Variants in PLEKHA8 observed in about 807,000 individuals in gnomAD.
PLEKHA8 encodes the protein pleckstrin homology domain containing A8, also known as pleckstrin homology domain-containing family A member 8.
In PLEKHA8, 36 loss-of-function variants were observed where a neutral mutation model predicts 68.2. The ratio of observed to expected loss-of-function variants is 0.53; its 90% CI spans 0.40 to 0.70. The LOEUF is 0.70. Ranked by LOEUF, PLEKHA8 falls within the 30% of genes least tolerant of loss-of-function variation. The probability of loss-of-function intolerance (pLI) is 0.00; values close to 1 mark genes in which losing one functional copy is unlikely to be tolerated. For synonymous variants in PLEKHA8, 211 were observed against 216.1 expected (o/e 0.98, Z 0.20); for missense variants, 505 against 615.4 (o/e 0.82, Z 1.90).
chr7:30,090,901 C>T (rs1455573734), downstream of PLEKHA8, among the ~76,000 whole-genome samples: 1 of 152,168 alleles, frequency 6.6e-6, no homozygotes, highest in South Asian at 2.1e-4. Flanking sequence ...TGGCTCACAC[C>T]TGTAATCCCA....
intron 13 of PLEKHA8, among the ~76,000 whole-genome samples, chr7:30,077,322 G>A (rs768599139): frequency 6.6e-6 from 1 of 151,940 alleles, no homozygotes; most frequent in Non-Finnish European, 1.5e-5. Flanking sequence ...CACTTGATTA[G>A]GTCTTTAAAT....
chr7:30,089,210 G>C (rs971614206), downstream of PLEKHA8, among the ~76,000 whole-genome samples: 1 of 152,102 alleles, frequency 6.6e-6, no homozygotes, highest in African/African-American at 2.4e-5. Context: ...TATTTGGCTG[G>C]TACACACTAA....
downstream of PLEKHA8, among the ~76,000 whole-genome samples, chr7:30,091,306 C>A (rs1438703816): frequency 6.7e-6 from 1 of 149,532 alleles, no homozygotes; most frequent in Non-Finnish European, 1.5e-5. Context: ...TTGTTTGATG[C>A]CTATGATATC....
rs187963459 is a variant in PLEKHA8 at position 30,048,790 on chromosome 7, G to A, written c.439-434G>A. 1.0e-3 allele frequency among the ~76,000 whole-genome samples: 153 copies of A among 151,852 alleles called. 1 individual carries two copies. The highest frequency in any genetic ancestry group is 3.5e-3 in the African/African-American group (146 of 41,388). On this transcript the variant is annotated intron_variant, in intron 4 of 13. Coordinates refer to ENST00000449726, the MANE Select transcript of PLEKHA8 (RefSeq NM_001197026.2). ...CCCACTTGCATTCACTTCCTTTTGG[G>A]TGCTCTTACTCATTCAGCAGCTGCC...
intron 1 of PLEKHA8, among the ~76,000 whole-genome samples, chr7:30,034,744 G>A (rs1455657673): frequency 3.3e-5 from 5 of 152,068 alleles, no homozygotes; most frequent in African/African-American, 7.2e-5. Context: ...GCATGTGCAC[G>A]GTTGAAATTC....
At chr7:30,074,500 G>A (rs1347715360) in intron 13 of PLEKHA8, among the ~76,000 whole-genome samples, 3 of 152,076 alleles carry the variant, frequency 2.0e-5, no homozygotes, top group East Asian at 1.9e-4. Context: ...CTCATAAGTG[G>A]TTGCCTTTCT....
chr7:30,082,148 G>C lies in PLEKHA8; in HGVS notation c.*3361G>C, dbSNP rs1182923807. 1 of 985,266 alleles carries C rather than the reference G, an allele frequency of 1.0e-6. No individual in the cohort carries two copies. 61.0% of individuals were successfully genotyped at this position (985,266 alleles called of 1,614,324 possible). ...TAGTTCTCATTAGGATGTATAAGTA[G>C]TGGCTTGAGGCACCTTCTTATCATT... On this transcript the variant is annotated 3_prime_UTR_variant, in exon 14 of 14. Coordinates refer to ENST00000449726, the MANE Select transcript of PLEKHA8 (RefSeq NM_001197026.2).
intron 12 of PLEKHA8, among the ~76,000 whole-genome samples, chr7:30,067,543 A>C (rs1221366199): frequency 6.6e-6 from 1 of 152,234 alleles, no homozygotes; most frequent in African/African-American, 2.4e-5. Flanking sequence ...AAAATAGTTC[A>C]ATACAGTTAA....
intron 10 of PLEKHA8, 118 bp downstream of exon 10, chr7:30,061,060 G>A: frequency 2.2e-6 from 2 of 905,494 alleles, no homozygotes; most frequent in South Asian, 1.5e-5. Flanking sequence ...TCTTTTAAGA[G>A]AGCAAGCATC....
At chr7:30,104,112 T>C (rs1321836975) in intron 13 of PLEKHA8, among the ~76,000 whole-genome samples, 1 of 152,212 alleles carries the variant, frequency 6.6e-6, no homozygotes. Context: ...TTCAATATCA[T>C]TAGTCACCAG....
chr7:30,062,145 C>A (rs1483610579), intron 11 of PLEKHA8, 118 bp downstream of exon 11: 1 of 1,281,184 alleles, frequency 7.8e-7, no homozygotes. Flanking sequence ...AATTGTGTAG[C>A]CTTTTCTAGA....
intron 7 of PLEKHA8, among the ~76,000 whole-genome samples, chr7:30,054,207 A>C (rs548536181): frequency 6.6e-6 from 1 of 152,220 alleles, no homozygotes; most frequent in African/African-American, 2.4e-5. Flanking sequence ...ACATTGCTCT[A>C]CCTCAGCTAG....
intron 1 of PLEKHA8, among the ~76,000 whole-genome samples, chr7:30,043,301 A>G (rs1179911724): frequency 6.6e-6 from 1 of 152,170 alleles, no homozygotes; most frequent in Non-Finnish European, 1.5e-5. Context: ...CCCTGCCAGC[A>G]TCACCTTCTG....
At chr7:30,120,182 CAG>C (rs1293897335) in intron 13 of PLEKHA8, among the ~76,000 whole-genome samples, 4 of 128,510 alleles carry the variant, frequency 3.1e-5, no homozygotes, top group African/African-American at 1.2e-4. Flanking sequence ...AAAAAAAAAA[CAG>C]AAAATAACAT....
chr7:30,054,884 T>TA lies in PLEKHA8; in HGVS notation c.953+20dup, dbSNP rs1345147755. On this transcript the variant is annotated intron_variant, in intron 8 of 13. Transcript: ENST00000449726. Reference sequence around the variant, plus strand: ...ACACAAGGTATTCTAGACTCTTTAATATCACTGATGCTTGGATACTAACTT... The same window carrying TA: ...ACACAAGGTATTCTAGACTCTTTAATAATCACTGATGCTTGGATACTAACTT... 4.4e-6 allele frequency: 7 copies of TA among 1,577,118 alleles called. No homozygotes were observed. Among genetic ancestry groups the TA allele is most frequent in the Non-Finnish European group, 4.3e-6 (5 of 1,158,208 alleles).
intron 13 of PLEKHA8, among the ~76,000 whole-genome samples, chr7:30,078,176 CA>C (rs1794729703): frequency 6.6e-6 from 1 of 151,938 alleles, no homozygotes; most frequent in Non-Finnish European, 1.5e-5. Context: ...AGATGAGATA[CA>C]AATAAGAGAA....
At chr7:30,074,276 G>GTGTA in intron 13 of PLEKHA8, 144 bp downstream of exon 13, 1 of 473,514 alleles carries the variant, frequency 2.1e-6, no homozygotes, top group South Asian at 6.0e-5. Context: ...GTGTGTGTAT[G>GTGTA]TGTGGTGTTT....
chr7:30,060,675 G>A (rs559518602), intron 9 of PLEKHA8, among the ~76,000 whole-genome samples: 1 of 152,240 alleles, frequency 6.6e-6, no homozygotes, highest in Non-Finnish European at 1.5e-5. Context: ...CTGTCACTTA[G>A]GGCCTCATTA....
At chr7:30,048,012 C>A (rs1266843458) in intron 4 of PLEKHA8, 56 bp downstream of exon 4, 45 of 992,734 alleles carry the variant, frequency 4.5e-5, no homozygotes, top group Non-Finnish European at 5.6e-5. Context: ...AAAGAAGTGA[C>A]TACCAGTATA....
Sources: gnomAD v4.1 joint callset for allele counts (sites outside exome capture counted in the v4.1 genomes callset) on GRCh38, gnomAD v4.1.1 for gene constraint, MANE v1.5 for transcripts, NCBI Gene and HGNC (gene_info 2026-07-23, HGNC 2026-07-21) for gene names.